PTPRT: variants seen among roughly 807,000 people sequenced by gnomAD.
PTPRT encodes the protein protein tyrosine phosphatase receptor type T, also known as receptor-type tyrosine-protein phosphatase T.
A neutral mutation model predicts 176.8 loss-of-function variants in PTPRT; 56 were observed. The observed-to-expected ratio is 0.32, with a 90% CI of 0.26 to 0.40. PTPRT has a LOEUF of 0.40. Among genes scored for constraint, PTPRT ranks in the 10% least tolerant of loss-of-function variants. The pLI, the probability that PTPRT is intolerant of heterozygous loss-of-function variation, is 1.00. For missense variants in PTPRT, 1,540 were observed against 1,908.2 expected, an observed-to-expected ratio of 0.81 and a Z score of 3.60; for synonymous variants, 783 against 739.0, an observed-to-expected ratio of 1.06 and a Z score of -0.96.
At chr20:42,230,933 T>C (rs1016613087) in intron 15 of PTPRT, among the ~76,000 whole-genome samples, 3 of 152,196 alleles carry the variant, frequency 2.0e-5, no homozygotes, top group Admixed American at 2.0e-4. Flanking sequence ...TTTATCCTGG[T>C]CATTAACACC....
chr20:42,453,813 G>C (rs1352713781), intron 8 of PTPRT, among the ~76,000 whole-genome samples: 1 of 150,122 alleles, frequency 6.7e-6, no homozygotes, highest in Non-Finnish European at 1.5e-5. Context: ...TGGGATTACA[G>C]GCACCCATGA....
intron 11 of PTPRT, among the ~76,000 whole-genome samples, chr20:42,317,547 A>G (rs2057738178): frequency 6.6e-6 from 1 of 152,180 alleles, no homozygotes; most frequent in South Asian, 2.1e-4. Context: ...AATCATTTAA[A>G]CAGGGCATAG....
At chr20:42,967,944 G>T (rs1231817709) in intron 1 of PTPRT, among the ~76,000 whole-genome samples, 1 of 152,100 alleles carries the variant, frequency 6.6e-6, no homozygotes, top group African/African-American at 2.4e-5. Flanking sequence ...AGAATGCGCG[G>T]TCTGTGCTTG....
chr20:42,312,516 G>A (rs1373945471), intron 12 of PTPRT, among the ~76,000 whole-genome samples: 1 of 152,174 alleles, frequency 6.6e-6, no homozygotes, highest in Non-Finnish European at 1.5e-5. Context: ...ATTTGAAACA[G>A]TGTGTAGTTT....
At position 42,345,565 on chromosome 20, in the gene PTPRT, T is replaced by C. The variant is rs554614587; in HGVS notation, c.1865+5063A>G. ...TAGTTACTATACACACACACACATA[T>C]ATATACATACATATATATGTGTGTG... On this transcript the variant is annotated intron_variant, in intron 11 of 30. Coordinates refer to ENST00000373187, the MANE Select transcript of PTPRT (RefSeq NM_007050.6). Among the ~76,000 whole-genome samples the C allele has an allele frequency of 7.9e-3, 1,043 of 131,696 alleles. 41 individuals carry two copies. Among genetic ancestry groups the C allele is most frequent in the African/African-American group, 0.027 (955 of 35,944 alleles). The allele number at this position is 131,696 out of a possible 152,430, so 86.4% of individuals were successfully genotyped here.
chr20:42,118,265 G>T, intron 21 of PTPRT, 138 bp downstream of exon 21: 1 of 602,058 alleles, frequency 1.7e-6, no homozygotes, highest in Non-Finnish European at 2.8e-6. Context: ...TGGAATAGGA[G>T]TGATGACACC....
chr20:42,248,882 T>A, intron 13 of PTPRT, 60 bp from the exon 14 acceptor site: 1 of 1,586,012 alleles, frequency 6.3e-7, no homozygotes, highest in Non-Finnish European at 8.6e-7. Flanking sequence ...GACTAGACAA[T>A]CATCATAATG....
chr20:42,278,063 T>C (rs1470270543), intron 13 of PTPRT, among the ~76,000 whole-genome samples: 2 of 102,822 alleles, frequency 1.9e-5, no homozygotes, highest in Non-Finnish European at 3.8e-5. Context: ...ACATTAAACA[T>C]GTAAGTAGAC....
At chr20:43,142,315 C>T (rs745463010) in intron 1 of PTPRT, among the ~76,000 whole-genome samples, 1 of 152,250 alleles carries the variant, frequency 6.6e-6, no homozygotes, top group African/African-American at 2.4e-5. Flanking sequence ...GGAGACAGAA[C>T]CAGCCTGGCC....
intron 1 of PTPRT, among the ~76,000 whole-genome samples, chr20:42,974,218 T>C (rs1004259347): frequency 2.6e-5 from 4 of 152,158 alleles, no homozygotes; most frequent in African/African-American, 7.2e-5. Flanking sequence ...AGTTTTAAGG[T>C]CTTGAGAAAA....
chr20:42,665,847 A>G (rs962981601), intron 7 of PTPRT, among the ~76,000 whole-genome samples: 1 of 151,612 alleles, frequency 6.6e-6, no homozygotes, highest in African/African-American at 2.4e-5. Flanking sequence ...GCAAGGACAA[A>G]AAACCAAACA....
chr20:43,117,251 G>A (rs112690295), intron 1 of PTPRT, among the ~76,000 whole-genome samples: 2,321 of 152,298 alleles, frequency 0.015, 48 homozygotes, highest in African/African-American at 0.052. Flanking sequence ...GTCAACTTAT[G>A]TGGATAAAGG....
Position 42,757,578 on chromosome 20 carries a change from A to T in PTPRT, c.685-942T>A, listed in dbSNP as rs377702096. Among the ~76,000 whole-genome samples the T allele has an allele frequency of 3.7e-4, 56 of 152,322 alleles. No homozygotes were observed. The South Asian group carries it at 0.012, about 32-fold the overall frequency. ...CAGCCATCTCTAGTCAGTTCTCACA[A>T]CTGTCACACCATCTCTGGAATCTTA... On this transcript the variant is annotated intron_variant, in intron 5 of 30. Coordinates refer to ENST00000373187, the MANE Select transcript of PTPRT (RefSeq NM_007050.6).
chr20:42,276,352 C>T (rs2057029601), intron 13 of PTPRT, among the ~76,000 whole-genome samples: 1 of 150,312 alleles, frequency 6.7e-6, no homozygotes, highest in Admixed American at 6.6e-5. Context: ...TGACAAACGG[C>T]TGATTTGTAG....
At chr20:42,263,170 G>A (rs991194791) in intron 13 of PTPRT, among the ~76,000 whole-genome samples, 3 of 152,092 alleles carry the variant, frequency 2.0e-5, no homozygotes, top group African/African-American at 7.2e-5. Flanking sequence ...CAAAGCACAA[G>A]GGGAGCCCTG....
intron 7 of PTPRT, among the ~76,000 whole-genome samples, chr20:42,523,447 T>A (rs1249731977): frequency 1.3e-5 from 2 of 152,208 alleles, no homozygotes; most frequent in Non-Finnish European, 2.9e-5. Context: ...CCCTCTCTAC[T>A]CATTATTTGT....
At chr20:43,017,428 C>T (rs193203346) in intron 1 of PTPRT, among the ~76,000 whole-genome samples, 39 of 152,306 alleles carry the variant, frequency 2.6e-4, no homozygotes, top group African/African-American at 8.9e-4. Flanking sequence ...CGGCCCACCT[C>T]GGTCTTGCTC....
At chr20:42,174,140 T>C (rs150730929) in intron 16 of PTPRT, among the ~76,000 whole-genome samples, 26 of 152,326 alleles carry the variant, frequency 1.7e-4, no homozygotes, top group East Asian at 3.9e-4. Context: ...AGTTACTTCA[T>C]GCTTTCAGTA....
intron 1 of PTPRT, among the ~76,000 whole-genome samples, chr20:43,150,940 T>G (rs1456760197): frequency 2.6e-5 from 4 of 152,216 alleles, no homozygotes; most frequent in Non-Finnish European, 5.9e-5. Flanking sequence ...ACAGTGCATC[T>G]GAGATGTCCT....
Sources: allele counts gnomAD v4.1 joint callset (sites outside exome capture counted in the v4.1 genomes callset), GRCh38; gene constraint gnomAD v4.1.1; transcripts MANE v1.5; gene names NCBI Gene and HGNC (gene_info 2026-07-23, HGNC 2026-07-21).